Variants in ESR1 observed in about 807,000 individuals in gnomAD.
The protein encoded by ESR1 is estrogen receptor 1.
ESR1 carries 12 observed loss-of-function variants against 52.7 expected under a neutral mutation model. That is an observed-to-expected ratio of 0.23 (90% CI 0.15 to 0.37). The LOEUF (loss-of-function observed/expected upper bound fraction) is 0.37, where lower values mean the gene tolerates loss of function less well. Among genes scored for constraint, ESR1 ranks in the 10% least tolerant of loss-of-function variants. The probability of loss-of-function intolerance (pLI) is 1.00; values close to 1 mark genes in which losing one functional copy is unlikely to be tolerated. For missense variants in ESR1, 584 were observed against 779.7 expected (o/e 0.75, Z 2.99); for synonymous variants, 305 against 316.8 (o/e 0.96, Z 0.39).
intron 1 of ESR1, among the ~76,000 whole-genome samples, chr6:151,665,799 C>T (rs1777801983): frequency 6.6e-6 from 1 of 152,144 alleles, no homozygotes; most frequent in Admixed American, 6.6e-5. Flanking sequence ...TATATTTTCT[C>T]TTAGGAATAT....
At chr6:151,782,694 A>T (rs778566741) in intron 2 of ESR1, among the ~76,000 whole-genome samples, 8 of 152,180 alleles carry the variant, frequency 5.3e-5, no homozygotes, top group Non-Finnish European at 1.2e-4. Flanking sequence ...AAATCAAGCT[A>T]CCCTGGTATT....
intron 2 of ESR1, among the ~76,000 whole-genome samples, chr6:151,734,934 G>C (rs976880367): frequency 1.3e-5 from 2 of 151,924 alleles, no homozygotes; most frequent in African/African-American, 4.8e-5. Context: ...ACCTTCAAAA[G>C]ATTTAAAAAA....
intron 5 of ESR1, among the ~76,000 whole-genome samples, chr6:152,032,854 C>CA (rs1194720188): frequency 2.0e-5 from 3 of 152,142 alleles, no homozygotes; most frequent in African/African-American, 7.2e-5. Context: ...GCCAAAAGAA[C>CA]AAAGCTGGAG....
intron 6 of ESR1, chr6:152,122,390 A>G (rs2152523807): frequency 6.2e-7 from 1 of 1,613,500 alleles, no homozygotes. Context: ...TTATGACCCG[A>G]TCCTCCTTAT....
intron 6 of ESR1, among the ~76,000 whole-genome samples, chr6:152,115,301 ATAAT>A (rs1198963449): frequency 6.6e-6 from 1 of 152,216 alleles, no homozygotes; most frequent in Admixed American, 6.5e-5. Flanking sequence ...GGTATGCACT[ATAAT>A]TAATTCAACA....
intron 6 of ESR1, among the ~76,000 whole-genome samples, chr6:152,072,799 T>C (rs961067470): frequency 2.0e-5 from 3 of 152,262 alleles, no homozygotes; most frequent in African/African-American, 7.2e-5. Flanking sequence ...TCAACAGTTA[T>C]GGATGAAACC....
rs557263425 is a variant in ESR1, at chr6:151,933,648, G to A, written c.761-10525G>A. Among the ~76,000 whole-genome samples, 187 of 152,124 alleles carry A rather than the reference G, an allele frequency of 1.2e-3. 1 individual carries two copies. The highest frequency in any genetic ancestry group is 3.8e-3 in the African/African-American group (159 of 41,516). On this transcript the variant is annotated intron_variant, in intron 3 of 7. Coordinates refer to ENST00000206249, the MANE Select transcript of ESR1 (RefSeq NM_000125.4). ...CGTCCCATCAATACCTAATTTATTG[G>A]GAGTTTTTAGCATGAAGAGTTGTTG...
intron 2 of ESR1, among the ~76,000 whole-genome samples, chr6:151,789,015 AC>A (rs1296992451): frequency 6.6e-6 from 1 of 152,136 alleles, no homozygotes; most frequent in African/African-American, 2.4e-5. Context: ...TAGGCTTAAT[AC>A]CTGGGTGATG....
At chr6:151,940,658 A>T (rs925197855) in intron 3 of ESR1, among the ~76,000 whole-genome samples, 8 of 152,184 alleles carry the variant, frequency 5.3e-5, no homozygotes, top group South Asian at 2.1e-4. Context: ...TTTCTTAGAG[A>T]AGTTTTCTTT....
Position 152,061,051 on chromosome 6 carries a change from A to G in ESR1, c.1296A>G (p.Ser432=), listed in dbSNP as rs758331872. Residue 432 remains serine (S), a synonymous_variant, in exon 6 of 8, where the codon TCA becomes TCG. Coordinates refer to ENST00000206249, the MANE Select transcript of ESR1 (RefSeq NM_000125.4). This position sits in a 1 kb window ranked among gnomAD's most constrained non-coding sequence, Gnocchi z 4.3. ...VEIFDMLLAT[S]SRFRMMNLQG... The stretch of plus-strand genomic sequence containing the variant: ...TCTTCGACATGCTGCTGGCTACATC[A>G]TCTCGGTTCCGCATGATGAATCTGC... The G allele has an allele frequency of 3.1e-6, 5 of 1,613,706 alleles. No individual in the cohort carries two copies. Among genetic ancestry groups the G allele is most frequent in the Non-Finnish European group, 4.2e-6 (5 of 1,179,752 alleles).
chr6:151,900,503 G>A (rs771620517), intron 3 of ESR1, among the ~76,000 whole-genome samples: 46 of 152,062 alleles, frequency 3.0e-4, no homozygotes, highest in Admixed American at 6.5e-4. Flanking sequence ...ATTTTTTGAG[G>A]GGTATTAAAG....
chr6:151,669,189 A>AGAGAGAGAGAGAG (rs774737323), intron 1 of ESR1, among the ~76,000 whole-genome samples: 18 of 87,104 alleles, frequency 2.1e-4, no homozygotes, highest in African/African-American at 6.4e-4. Flanking sequence ...AGAGAGAGAG[A>AGAGAGAGAGAGAG]TGGGAATCCA....
chr6:151,748,246 C>CA (rs1783628181), intron 2 of ESR1, among the ~76,000 whole-genome samples: 1 of 152,186 alleles, frequency 6.6e-6, no homozygotes, highest in African/African-American at 2.4e-5. Context: ...CAGGCCCAGA[C>CA]AGCCCCCCAG....
At chr6:151,666,485 G>A (rs895335059) in intron 1 of ESR1, among the ~76,000 whole-genome samples, 14 of 152,164 alleles carry the variant, frequency 9.2e-5, no homozygotes, top group African/African-American at 3.1e-4. Flanking sequence ...CAGCTCCTGG[G>A]CCATTGGTCT....
chr6:151,759,284 A>G (rs950241901), intron 2 of ESR1, among the ~76,000 whole-genome samples: 7 of 151,632 alleles, frequency 4.6e-5, no homozygotes, highest in South Asian at 2.1e-4. Context: ...AAAAAAAAAA[A>G]AAAAAGAAAA....
At chr6:152,077,283 A>G (rs984834129) in intron 6 of ESR1, among the ~76,000 whole-genome samples, 17 of 152,212 alleles carry the variant, frequency 1.1e-4, no homozygotes, top group Non-Finnish European at 2.1e-4. Context: ...TGTACACAGA[A>G]GTTAAGAATT....
chr6:151,721,715 C>T (rs936817267), intron 2 of ESR1, among the ~76,000 whole-genome samples: 3 of 152,196 alleles, frequency 2.0e-5, no homozygotes, highest in Non-Finnish European at 2.9e-5. Flanking sequence ...GTATGAGATG[C>T]TAGAAAGATC....
chr6:151,809,028 T>C, intron 1 of ESR1: 1 of 267,920 alleles, frequency 3.7e-6, no homozygotes, highest in South Asian at 3.5e-5. Context: ...CTGGAGCGGA[T>C]TGCTGGCATG....
chr6:151,780,974 G>T (rs1189106274), intron 2 of ESR1, among the ~76,000 whole-genome samples: 2 of 152,148 alleles, frequency 1.3e-5, no homozygotes, highest in Non-Finnish European at 2.9e-5. Flanking sequence ...TGAGATTTTG[G>T]TGATCTTTTT....
Sources: allele counts gnomAD v4.1 joint callset (sites outside exome capture counted in the v4.1 genomes callset), GRCh38; gene constraint gnomAD v4.1.1; non-coding constraint Gnocchi (gnomAD v3.1); transcripts MANE v1.5; gene names NCBI Gene and HGNC (gene_info 2026-07-23, HGNC 2026-07-21).